The following GAPDH variants were observed in gnomAD, a reference collection of about 807,000 sequenced individuals.
GAPDH encodes the protein glyceraldehyde-3-phosphate dehydrogenase.
Under a neutral mutation model 31.2 loss-of-function variants are expected in GAPDH, and 13 were observed. That is an observed-to-expected ratio of 0.42 (90% confidence interval 0.27 to 0.66). The LOEUF is 0.66. Ranked by LOEUF, GAPDH falls within the 30% of genes least tolerant of loss-of-function variation. GAPDH has a pLI of 0.26. For missense variants in GAPDH, 300 were observed against 443.7 expected, an observed-to-expected ratio of 0.68 and a Z score of 2.91; for synonymous variants, 211 against 166.9, an observed-to-expected ratio of 1.26 and a Z score of -2.04.
At chr12:6,534,905 C>T (rs779527737) in intron 2 of GAPDH, 44 bp downstream of exon 2, 1 of 1,604,222 alleles carries the variant, frequency 6.2e-7, no homozygotes, top group Non-Finnish European at 8.5e-7. Flanking sequence ...GCGACCGCCC[C>T]CGAACCGCGT....
chr12:6,537,918 A>G lies in GAPDH; in HGVS notation c.860A>G (p.Asn287Ser), dbSNP rs1468390238. ...CACCAGGTGGTCTCCTCTGACTTCA[A>G]CAGCGACACCCACTCCTCCACCTTT... ...TEHQVVSSDF[N>S]SDTHSSTFDA... The change falls in exon 8 of 9, where the codon AAC becomes AGC. Residue 287 changes from asparagine (N) to serine (S), a missense_variant. By Grantham distance (46) the Asn-to-Ser change is conservative (BLOSUM62 1). Transcript: ENST00000229239. This position sits in a 1 kb window ranked among gnomAD's most constrained non-coding sequence, Gnocchi z 4.9. 5 of 1,614,002 alleles carry G rather than the reference A, an allele frequency of 3.1e-6. No homozygotes were observed. The South Asian group carries it at 3.3e-5, about 11-fold the overall frequency.
At position 6,537,734 on chromosome 12, in the gene GAPDH, G is replaced by A. The variant is rs752919766; in HGVS notation, c.676G>A (p.Gly226Arg). The change falls in exon 8 of 9, where the codon GGG becomes AGG. Residue 226 changes from glycine to arginine, a missense_variant. Coordinates refer to ENST00000229239, the MANE Select transcript of GAPDH (RefSeq NM_002046.7). This position sits in a 1 kb window ranked among gnomAD's most constrained non-coding sequence, Gnocchi z 4.9. ...GGGCAAGGTCATCCCTGAGCTGAAC[G>A]GGAAGCTCACTGGCATGGCCTTCCG... ...AVGKVIPELN[G>R]KLTGMAFRVP... 5.0e-6 allele frequency: 8 copies of A among 1,611,698 alleles called. No homozygotes were observed. Among genetic ancestry groups the A allele is most frequent in the South Asian group, 3.3e-5 (3 of 90,996 alleles).
In GAPDH at chr12:6,535,487, G is replaced by A. The variant is rs933185327; in HGVS notation, c.29+626G>A. ...ATTCTCTGGTAAATCAAAGAAGTGGGTTTATGGAGGTCCTCTTGTGTCCCC... is the reference window on the plus strand; with the variant it reads ...ATTCTCTGGTAAATCAAAGAAGTGGATTTATGGAGGTCCTCTTGTGTCCCC... On this transcript the variant is annotated intron_variant, in intron 2 of 8. Transcript: ENST00000229239. 5.6e-5 allele frequency: 55 copies of A among 974,848 alleles called. No homozygotes were observed. The African/African-American group carries it at 9.1e-4, about 16-fold the overall frequency. 60.4% of individuals were successfully genotyped at this position (974,848 alleles called of 1,614,324 possible).
chr12:6,536,438 T>G, intron 2 of GAPDH, 56 bp from the exon 3 acceptor site: 1 of 1,304,838 alleles, frequency 7.7e-7, no homozygotes, highest in Non-Finnish European at 1.1e-6. Context: ...CTAGGGCTGC[T>G]CACATATTCT....
Position 6,537,294 on chromosome 12 carries a change from CCT to C in GAPDH, c.444-12_444-11del, listed in dbSNP as rs1308170446. 1.5e-5 allele frequency: 24 copies of C among 1,601,140 alleles called. No homozygotes were observed. The highest frequency in any genetic ancestry group is 2.0e-5 in the Non-Finnish European group (24 of 1,179,210). Reference sequence around the variant, plus strand: ...CGCTCCCCTGACTTGCGCCCCGCTCCCTCTTTCTTTGCAGCAATGCCTCCTGC... The same window carrying C: ...CGCTCCCCTGACTTGCGCCCCGCTCCCTTTCTTTGCAGCAATGCCTCCTGC... On this transcript the variant is annotated splice_polypyrimidine_tract_variant and intron_variant, in intron 6 of 8. Transcript: ENST00000229239. This position sits in a 1 kb window ranked among gnomAD's most constrained non-coding sequence, Gnocchi z 4.9.
chr12:6,537,198 A>G lies in GAPDH; in HGVS notation c.425A>G (p.Asn142Ser). ...VMGVNHEKYDNSLKIISNASC... is the reference protein window; with the variant it reads ...VMGVNHEKYDSSLKIISNASC... Reference sequence around the variant, plus strand: ...GGTGTGAACCATGAGAAGTATGACAACAGCCTCAAGATCATCAGGTGAGGA... The same window carrying G: ...GGTGTGAACCATGAGAAGTATGACAGCAGCCTCAAGATCATCAGGTGAGGA... Residue 142 changes from asparagine to serine, a missense_variant, in exon 6 of 9, where the codon AAC (asparagine) becomes AGC (serine). Physicochemically the swap from Asn to Ser is conservative, Grantham distance 46. Coordinates refer to ENST00000229239, the MANE Select transcript of GAPDH (RefSeq NM_002046.7). The surrounding 1 kb of genome is among the most constrained non-coding windows in gnomAD (Gnocchi z 4.9). 2 of 1,612,660 alleles carry G rather than the reference A, an allele frequency of 1.2e-6. No individual in the cohort carries two copies. Among genetic ancestry groups the G allele is most frequent in the Non-Finnish European group, 1.7e-6 (2 of 1,179,862 alleles).
Position 6,536,947 on chromosome 12 carries a change from C to T in GAPDH, c.264C>T (p.Gly88=), listed in dbSNP as rs11549353. The T allele has an allele frequency of 8.1e-6, 13 of 1,613,718 alleles. No individual in the cohort carries two copies. The highest frequency in any genetic ancestry group is 2.2e-5 in the South Asian group (2 of 91,054). ...GAGATCCCTCCAAAATCAAGTGGGGCGATGCTGGCGCTGAGTACGTCGTGG... is the reference window on the plus strand; with the variant it reads ...GAGATCCCTCCAAAATCAAGTGGGGTGATGCTGGCGCTGAGTACGTCGTGG... The part of the protein sequence containing the change: ...QERDPSKIKW[G]DAGAEYVVES... The change falls in exon 5 of 9, where the codon GGC becomes GGT. Residue 88 remains glycine, a synonymous_variant. Coordinates refer to ENST00000229239, the MANE Select transcript of GAPDH (RefSeq NM_002046.7).
chr12:6,537,845 A>G lies in GAPDH; in HGVS notation c.787A>G (p.Lys263Glu). The change falls in exon 8 of 9, where the codon AAG (lysine) becomes GAG (glutamate). Residue 263 changes from lysine to glutamate, a missense_variant. By Grantham distance (56) the Lys-to-Glu change is moderately conservative (BLOSUM62 1). Coordinates refer to ENST00000229239, the MANE Select transcript of GAPDH (RefSeq NM_002046.7). This position sits in a 1 kb window ranked among gnomAD's most constrained non-coding sequence, Gnocchi z 4.9. ...AKYDDIKKVV[K>E]QASEGPLKGI... is the part of the protein sequence containing the mutation. Reference sequence around the variant, plus strand: ...ATATGATGACATCAAGAAGGTGGTGAAGCAGGCGTCGGAGGGCCCCCTCAA... The same window carrying G: ...ATATGATGACATCAAGAAGGTGGTGGAGCAGGCGTCGGAGGGCCCCCTCAA... 1 of 1,612,616 alleles carries G rather than the reference A, an allele frequency of 6.2e-7. No individual in the cohort carries two copies. The highest frequency in any genetic ancestry group is 8.5e-7 in the Non-Finnish European group (1 of 1,179,958).
chr12:6,536,941 G>A lies in GAPDH; in HGVS notation c.258G>A (p.Lys86=), dbSNP rs1007669348. The A allele has an allele frequency of 6.2e-6, 10 of 1,608,614 alleles. No individual in the cohort carries two copies. The highest frequency in any genetic ancestry group is 2.7e-5 in the African/African-American group (2 of 74,420). Residue 86 remains lysine (K), a synonymous_variant, in exon 5 of 9, where the codon AAG becomes AAA. Coordinates refer to ENST00000229239, the MANE Select transcript of GAPDH (RefSeq NM_002046.7). ...ATAGGCGAGATCCCTCCAAAATCAA[G>A]TGGGGCGATGCTGGCGCTGAGTACG... ...IFQERDPSKI[K]WGDAGAEYVV...
intron 2 of GAPDH, 99 bp from the exon 3 acceptor site, chr12:6,536,395 A>T: frequency 1.2e-6 from 1 of 844,592 alleles, no homozygotes; most frequent in Non-Finnish European, 2.0e-6. Context: ...GGGTAAGGAG[A>T]TGCTGCATTC....
rs1040520851 is a variant in GAPDH, at chr12:6,534,831, C to G, written c.-2C>G. On this transcript the variant is annotated 5_prime_UTR_variant, in exon 2 of 9. Coordinates refer to ENST00000229239, the MANE Select transcript of GAPDH (RefSeq NM_002046.7). ...GCAGCCGAGCCACATCGCTCAGACA[C>G]CATGGGGAAGGTGAAGGTCGGAGTC... 1.5e-5 allele frequency: 24 copies of G among 1,613,486 alleles called. No homozygotes were observed. Among genetic ancestry groups the G allele is most frequent in the Non-Finnish European group, 2.0e-5 (24 of 1,179,806 alleles).
chr12:6,537,970 C>G lies in GAPDH; in HGVS notation c.912C>G (p.Asn304Lys), dbSNP rs763015743. 6.2e-7 allele frequency: 1 copy of G among 1,613,688 alleles called. No homozygotes were observed. Among genetic ancestry groups the G allele is most frequent in the Non-Finnish European group, 8.5e-7 (1 of 1,179,710 alleles). ...TFDAGAGIAL[N>K]DHFVKLISWY... ...ACGCTGGGGCTGGCATTGCCCTCAA[C>G]GACCACTTTGTCAAGCTCATTTCCT... Residue 304 changes from asparagine to lysine, a missense_variant, in exon 8 of 9, where the codon AAC (asparagine) becomes AAG (lysine). Physicochemically the swap from Asn to Lys is moderately conservative, Grantham distance 94. Transcript: ENST00000229239. This position sits in a 1 kb window ranked among gnomAD's most constrained non-coding sequence, Gnocchi z 4.9.
At chr12:6,538,053 G>C in intron 8 of GAPDH, 48 bp from the exon 9 acceptor site, 1 of 1,599,416 alleles carries the variant, frequency 6.3e-7, no homozygotes, top group South Asian at 1.2e-5. Context: ...GGCGCCCTCT[G>C]GTGGCTGGCT....
In GAPDH at chr12:6,538,195, A is replaced by G. The variant is rs770280504; in HGVS notation, c.*25A>G. 5.1e-6 allele frequency: 8 copies of G among 1,582,634 alleles called. No homozygotes were observed. The South Asian group carries it at 8.8e-5, about 17-fold the overall frequency. On this transcript the variant is annotated 3_prime_UTR_variant, in exon 9 of 9. Transcript: ENST00000229239. Reference sequence around the variant, plus strand: ...AGACCCCTGGACCACCAGCCCCAGCAAGAGCACAAGAGGAAGAGAGAGACC... The same window carrying G: ...AGACCCCTGGACCACCAGCCCCAGCGAGAGCACAAGAGGAAGAGAGAGACC...
At chr12:6,535,240 C>T (rs1946437766) in intron 2 of GAPDH, 3 of 1,077,422 alleles carry the variant, frequency 2.8e-6, no homozygotes, top group Admixed American at 4.9e-5. Flanking sequence ...CCCCGGGATG[C>T]TAGTGCGCAG....
intron 2 of GAPDH, among the ~76,000 whole-genome samples, chr12:6,535,775 G>A (rs1257025808): frequency 1.3e-5 from 2 of 152,052 alleles, no homozygotes; most frequent in Non-Finnish European, 2.9e-5. Context: ...TCCGTCTTCC[G>A]GAAACCAGAT....
In GAPDH at chr12:6,537,526, G is replaced by A. The variant is rs1198517655; in HGVS notation, c.526-58G>A. 6.3e-6 allele frequency: 10 copies of A among 1,588,484 alleles called. No individual in the cohort carries two copies. Among genetic ancestry groups the A allele is most frequent in the Non-Finnish European group, 8.6e-6 (10 of 1,165,380 alleles). On this transcript the variant is annotated intron_variant, in intron 7 of 8. Coordinates refer to ENST00000229239, the MANE Select transcript of GAPDH (RefSeq NM_002046.7). The surrounding 1 kb of genome is among the most constrained non-coding windows in gnomAD (Gnocchi z 4.9). ...TTCCCATAATTTCCTTTCAAGGTGG[G>A]GAGGGAGGTAGAGGGGTGATGTGGG...
At chr12:6,535,907 TC>T (rs45546631) in intron 2 of GAPDH, among the ~76,000 whole-genome samples, 16,530 of 152,092 alleles carry the variant, frequency 0.11, 1,129 homozygotes, top group South Asian at 0.18. Flanking sequence ...GTGCTCCCAC[TC>T]CTGATTTCTG....
In GAPDH at chr12:6,537,975, A is replaced by T; in HGVS notation, c.917A>T (p.His306Leu). 1 of 1,613,492 alleles carries T rather than the reference A, an allele frequency of 6.2e-7. No homozygotes were observed. The highest frequency in any genetic ancestry group is 8.5e-7 in the Non-Finnish European group (1 of 1,179,546). ...DAGAGIALND[H>L]FVKLISWYDN... ...GGGGCTGGCATTGCCCTCAACGACCACTTTGTCAAGCTCATTTCCTGGTAT... is the reference window on the plus strand; with the variant it reads ...GGGGCTGGCATTGCCCTCAACGACCTCTTTGTCAAGCTCATTTCCTGGTAT... Residue 306 changes from histidine (H) to leucine (L), a missense_variant, in exon 8 of 9, where the codon CAC becomes CTC. Coordinates refer to ENST00000229239, the MANE Select transcript of GAPDH (RefSeq NM_002046.7). This position sits in a 1 kb window ranked among gnomAD's most constrained non-coding sequence, Gnocchi z 4.9.
Sources: allele counts gnomAD v4.1 joint callset (sites outside exome capture counted in the v4.1 genomes callset), GRCh38; gene constraint gnomAD v4.1.1; non-coding constraint Gnocchi (gnomAD v3.1); transcripts MANE v1.5; gene names NCBI Gene and HGNC (gene_info 2026-07-23, HGNC 2026-07-21).